Variants in SLC38A9 observed in about 807,000 individuals in gnomAD.
SLC38A9 encodes the protein solute carrier family 38 member 9.
A neutral mutation model predicts 62.3 loss-of-function variants in SLC38A9; 48 were observed. That is an observed-to-expected ratio of 0.77 (90% CI 0.61 to 0.98). The LOEUF is 0.98. Ranked by LOEUF, SLC38A9 falls within the 50% of genes least tolerant of loss-of-function variation. The pLI is 0.00. For synonymous variants in SLC38A9, 204 were observed against 227.7 expected (o/e 0.90, Z 0.94); for missense variants, 541 against 679.8 (o/e 0.80, Z 2.27).
intron 3 of SLC38A9, among the ~76,000 whole-genome samples, chr5:55,680,226 T>G (rs9885350): frequency 0.53 from 80,624 of 151,250 alleles, 21,995 homozygotes; most frequent in South Asian, 0.61. Context: ...TATATATATA[T>G]AGAGAGAGAG....
chr5:55,666,692 G>A (rs1484831945), intron 7 of SLC38A9, among the ~76,000 whole-genome samples: 1 of 151,626 alleles, frequency 6.6e-6, no homozygotes, highest in African/African-American at 2.4e-5. Context: ...TCAGAAGTTC[G>A]AGACCAGCCT....
intron 3 of SLC38A9, among the ~76,000 whole-genome samples, chr5:55,687,704 G>T (rs1323663345): frequency 6.6e-6 from 1 of 151,828 alleles, no homozygotes; most frequent in Non-Finnish European, 1.5e-5. Flanking sequence ...ATGTATTTAT[G>T]TATTTATTTA....
At chr5:55,650,961 T>C (rs1747289534) in intron 10 of SLC38A9, among the ~76,000 whole-genome samples, 1 of 151,872 alleles carries the variant, frequency 6.6e-6, no homozygotes, top group African/African-American at 2.4e-5. Flanking sequence ...CTGGCTAATT[T>C]TGTATTTTTA....
chr5:55,655,254 T>TAC lies in SLC38A9; in HGVS notation c.757+1460_757+1461insGT, dbSNP rs566633838. On this transcript the variant is annotated intron_variant, in intron 9 of 15. Coordinates refer to ENST00000396865, the MANE Select transcript of SLC38A9 (RefSeq NM_173514.4). ...AGAAGTGCTGGATATAAGATATCAC[T>TAC]ATATAAACTGACTTTGCTGATGGGG... Among the ~76,000 whole-genome samples the TAC allele has an allele frequency of 3.9e-4, 35 of 89,608 alleles. No homozygotes were observed. The South Asian group carries it at 0.014, about 36-fold the overall frequency. The allele number at this position is 89,608 out of a possible 152,430, so 58.8% of individuals were successfully genotyped here. A position where few individuals can be genotyped will look rare whatever the true frequency, so the allele number is the denominator to read the frequency against.
intron 11 of SLC38A9, among the ~76,000 whole-genome samples, chr5:55,646,164 T>TA (rs1253424746): frequency 1.3e-5 from 2 of 152,150 alleles, no homozygotes; most frequent in African/African-American, 2.4e-5. Context: ...TCACCTGAGG[T>TA]AAGGAGTTTG....
chr5:55,634,005 G>A (rs751176584), intron 13 of SLC38A9, 103 bp from the exon 14 acceptor site: 10 of 863,140 alleles, frequency 1.2e-5, no homozygotes, highest in South Asian at 6.3e-5. Flanking sequence ...GTGCTACTCC[G>A]ATTGTGGTTT....
intron 14 of SLC38A9, among the ~76,000 whole-genome samples, chr5:55,631,954 A>G (rs1350305935): frequency 6.8e-6 from 1 of 147,280 alleles, no homozygotes; most frequent in African/African-American, 2.5e-5. Context: ...ATTTCTCTTG[A>G]AAAAAAAAAA....
chr5:55,649,530 G>A (rs1190884299), intron 10 of SLC38A9, among the ~76,000 whole-genome samples: 1 of 152,018 alleles, frequency 6.6e-6, no homozygotes, highest in Admixed American at 6.6e-5. Flanking sequence ...GGCCTAAGAA[G>A]AACCAGATGA....
rs745630228 is a variant in SLC38A9 at position 55,627,970 on chromosome 5, C to G, written c.1441G>C (p.Val481Leu). The change falls in exon 15 of 16, where the codon GTG becomes CTG. Residue 481 changes from valine to leucine, a missense_variant. Transcript: ENST00000396865. ...FGDIYPSIFH[V>L]LILNLIIVGA... ...ACAATAATTAGATTAAGAATCAGCA[C>G]ATGGAAAATGCTAGAAGTTGAGAAG... The G allele has an allele frequency of 1.9e-6, 3 of 1,610,940 alleles. No individual in the cohort carries two copies. Among genetic ancestry groups the G allele is most frequent in the Non-Finnish European group, 2.5e-6 (3 of 1,177,918 alleles).
chr5:55,688,413 T>G (rs1403906248), intron 3 of SLC38A9, among the ~76,000 whole-genome samples: 1 of 130,982 alleles, frequency 7.6e-6, no homozygotes, highest in Non-Finnish European at 1.6e-5. Flanking sequence ...ACAGTCTCAC[T>G]CTGTTGCCCA....
At chr5:55,702,633 C>T (rs1319189108) in intron 2 of SLC38A9, 2 of 151,810 alleles carry the variant, frequency 1.3e-5, no homozygotes, top group Non-Finnish European at 2.9e-5. Flanking sequence ...AATGAAAATA[C>T]TTGCTCTTTT....
chr5:55,669,966 C>A, intron 4 of SLC38A9, 87 bp from the exon 5 acceptor site: 12 of 1,300,760 alleles, frequency 9.2e-6, no homozygotes, highest in Non-Finnish European at 9.5e-6. Context: ...TGACTCTAGA[C>A]ACCTTTTTTT....
At chr5:55,706,342 A>G (rs1220347782) in intron 2 of SLC38A9, among the ~76,000 whole-genome samples, 1 of 152,218 alleles carries the variant, frequency 6.6e-6, no homozygotes, top group Non-Finnish European at 1.5e-5. Context: ...AACTAAACTG[A>G]GAATGTGGGT....
chr5:55,670,310 T>C (rs12187168), intron 4 of SLC38A9, among the ~76,000 whole-genome samples: 90,964 of 151,918 alleles, frequency 0.6, 27,828 homozygotes, highest in South Asian at 0.7. Flanking sequence ...ACTATGAATC[T>C]CTGATTAGTG....
intron 9 of SLC38A9, among the ~76,000 whole-genome samples, chr5:55,654,045 T>C (rs1471477678): frequency 6.6e-6 from 1 of 152,194 alleles, no homozygotes; most frequent in Non-Finnish European, 1.5e-5. Context: ...GTTTCTAATG[T>C]CACAGTAGAG....
chr5:55,672,756 T>G, intron 3 of SLC38A9, 61 bp from the exon 4 acceptor site: 1 of 1,549,192 alleles, frequency 6.5e-7, no homozygotes. Flanking sequence ...AAGTCAGCCT[T>G]TGAAGAAAAT....
At chr5:55,629,393 TA>T (rs1743027770) in intron 14 of SLC38A9, among the ~76,000 whole-genome samples, 1 of 152,126 alleles carries the variant, frequency 6.6e-6, no homozygotes, top group African/African-American at 2.4e-5. Context: ...CTCTATTCTT[TA>T]ATGCCAAACA....
chr5:55,702,155 T>A (rs909155405), intron 2 of SLC38A9, among the ~76,000 whole-genome samples: 1 of 152,210 alleles, frequency 6.6e-6, no homozygotes, highest in African/African-American at 2.4e-5. Flanking sequence ...CTGTGTAACT[T>A]AGCATTAACA....
intron 3 of SLC38A9, among the ~76,000 whole-genome samples, chr5:55,688,181 T>C (rs1425522947): frequency 6.6e-6 from 1 of 152,182 alleles, no homozygotes; most frequent in African/African-American, 2.4e-5. Context: ...GTTTTTTAGA[T>C]ATAGGATCAC....
Sources: allele counts gnomAD v4.1 joint callset (sites outside exome capture counted in the v4.1 genomes callset), GRCh38; gene constraint gnomAD v4.1.1; transcripts MANE v1.5; gene names NCBI Gene and HGNC (gene_info 2026-07-23, HGNC 2026-07-21).